Variants in ITPR1 observed in about 807,000 individuals in gnomAD.
ITPR1 encodes the protein inositol 1,4,5-trisphosphate-gated calcium channel ITPR1.
In ITPR1, 96 loss-of-function variants were observed where a neutral mutation model predicts 318.4. The ratio of observed to expected loss-of-function variants is 0.30; its 90% CI spans 0.26 to 0.36. The LOEUF is 0.36. Ranked by LOEUF, ITPR1 falls within the 10% of genes least tolerant of loss-of-function variation. The probability of loss-of-function intolerance (pLI) is 1.00; values close to 1 mark genes in which losing one functional copy is unlikely to be tolerated. For missense variants in ITPR1, 2,440 were observed against 3,460.2 expected (o/e 0.71, Z 7.40); for synonymous variants, 1,312 against 1,289.9 (o/e 1.02, Z -0.37).
chr3:4,516,474 AG>A lies in ITPR1; in HGVS notation c.-16del. On this transcript the variant is annotated splice_acceptor_variant, in intron 2 of 61. Coordinates refer to ENST00000649015, the MANE Select transcript of ITPR1 (RefSeq NM_001378452.1). LOFTEE classifies it low-confidence loss of function (5UTR_SPLICE). Reference sequence around the variant, plus strand: ...CAATGCTGCATATTTTACTTTGTCTAGGATTTTCAAGAAAGACATGTCTGAC... The same window carrying A: ...CAATGCTGCATATTTTACTTTGTCTAGATTTTCAAGAAAGACATGTCTGAC... The A allele has an allele frequency of 4.2e-6, 6 of 1,441,540 alleles. No individual in the cohort carries two copies. Among genetic ancestry groups the A allele is most frequent in the Non-Finnish European group, 4.8e-6 (5 of 1,050,834 alleles). The allele number at this position is 1,441,540 out of a possible 1,614,324, so 89.3% of individuals were successfully genotyped here. A position where few individuals can be genotyped will look rare whatever the true frequency, so the allele number is the denominator to read the frequency against.
intron 2 of ITPR1, among the ~76,000 whole-genome samples, chr3:4,498,542 G>A (rs2131458): frequency 0.22 from 32,793 of 152,076 alleles, 4,102 homozygotes; most frequent in Admixed American, 0.31. Flanking sequence ...AAACTCTCAC[G>A]GAATTCTCAG....
chr3:4,687,356 T>C (rs2094411760), intron 30 of ITPR1, among the ~76,000 whole-genome samples: 2 of 152,180 alleles, frequency 1.3e-5, no homozygotes, highest in Admixed American at 1.3e-4. Context: ...TCACTTAATC[T>C]TCATAACAAT....
chr3:4,575,713 T>TA (rs201350558), intron 4 of ITPR1, among the ~76,000 whole-genome samples: 170 of 142,422 alleles, frequency 1.2e-3, no homozygotes, highest in East Asian at 2.6e-3. Flanking sequence ...ATGTCTTCTT[T>TA]AAAAAAAAAA....
chr3:4,740,104 A>T (rs1471535789), intron 44 of ITPR1, among the ~76,000 whole-genome samples: 1 of 151,720 alleles, frequency 6.6e-6, no homozygotes, highest in African/African-American at 2.4e-5. Flanking sequence ...GGGGAGAAAA[A>T]CTCCACCTCT....
chr3:4,688,285 C>T (rs1462409647), intron 30 of ITPR1, among the ~76,000 whole-genome samples: 1 of 152,150 alleles, frequency 6.6e-6, no homozygotes, highest in Non-Finnish European at 1.5e-5. Context: ...TGCTCCCTCC[C>T]ACCCAAATAA....
At position 4,594,264 on chromosome 3, in the gene ITPR1, C is replaced by T. The variant is rs529722220; in HGVS notation, c.164-33499C>T. ...ATGATTTGTATTCCAGAGTTCCTCA[C>T]GCAATCGGGCTGAAGTCATCCTCCT... On this transcript the variant is annotated intron_variant, in intron 4 of 61. Coordinates refer to ENST00000649015, the MANE Select transcript of ITPR1 (RefSeq NM_001378452.1). Among the ~76,000 whole-genome samples, 34 of 152,272 alleles carry T rather than the reference C, an allele frequency of 2.2e-4. No homozygotes were observed. In the South Asian group the frequency reaches 4.4e-3, roughly 20 times the overall value.
At chr3:4,593,761 C>T (rs1256610070) in intron 4 of ITPR1, among the ~76,000 whole-genome samples, 4 of 152,166 alleles carry the variant, frequency 2.6e-5, no homozygotes, top group African/African-American at 9.6e-5. Context: ...CCAGGAGAGA[C>T]CAGTGCAAAA....
At chr3:4,751,283 G>C (rs908337706) in intron 44 of ITPR1, 2 of 152,104 alleles carry the variant, frequency 1.3e-5, no homozygotes, top group Non-Finnish European at 2.9e-5. Context: ...GACTCAGCTT[G>C]CATTTAATTA....
chr3:4,521,359 TG>T (rs2082551445), intron 4 of ITPR1, among the ~76,000 whole-genome samples: 1 of 152,218 alleles, frequency 6.6e-6, no homozygotes. Context: ...GTCTTACATT[TG>T]TACAGGTATT....
In ITPR1 at chr3:4,636,459, GTC is replaced by G. The variant is rs1418288089; in HGVS notation, c.280-2921_280-2920del. On this transcript the variant is annotated intron_variant, in intron 5 of 61. Coordinates refer to ENST00000649015, the MANE Select transcript of ITPR1 (RefSeq NM_001378452.1). Reference sequence around the variant, plus strand: ...CTTATTTATCTGTTTTTGAGATGGAGTCTCTGTCACCCAGGCTAGAGTGCAGT... The same window carrying G: ...CTTATTTATCTGTTTTTGAGATGGAGTCTGTCACCCAGGCTAGAGTGCAGT... 5.9e-5 allele frequency among the ~76,000 whole-genome samples: 9 copies of G among 152,230 alleles called. 1 individual carries two copies. In the East Asian group the frequency reaches 1.7e-3, roughly 29 times the overall value.
intron 60 of ITPR1, among the ~76,000 whole-genome samples, chr3:4,822,246 G>C (rs1346288787): frequency 6.6e-6 from 1 of 152,214 alleles, no homozygotes; most frequent in Non-Finnish European, 1.5e-5. Flanking sequence ...AACAGGCCCA[G>C]AGCACAGCCA....
chr3:4,691,099 G>A, intron 31 of ITPR1, 45 bp from the exon 32 acceptor site: 1 of 1,381,520 alleles, frequency 7.2e-7, no homozygotes, highest in Non-Finnish European at 1.0e-6. Context: ...TGTTCTGTCA[G>A]CTTTTTGACT....
rs1366007798 is a variant in ITPR1 at position 4,564,667 on chromosome 3, G to A, written c.163+43573G>A. Among the ~76,000 whole-genome samples the A allele has an allele frequency of 4.6e-5, 7 of 152,266 alleles. 1 individual carries two copies. In the South Asian group the frequency reaches 1.2e-3, roughly 27 times the overall value. On this transcript the variant is annotated intron_variant, in intron 4 of 61. Transcript: ENST00000649015. ...GCAAGAAGGTGCCATCTGTGAACTAGGGCCCTCACCTGACTCTGAACCTGC... is the reference window on the plus strand; with the variant it reads ...GCAAGAAGGTGCCATCTGTGAACTAAGGCCCTCACCTGACTCTGAACCTGC...
Position 4,766,817 on chromosome 3 carries a change from G to C in ITPR1, c.5725+107G>C, listed in dbSNP as rs1351594582. Reference sequence around the variant, plus strand: ...TGTGCTCTAAAATGCATTATGATGGGAGCTTTCAGAAGAAATGCCAGCCTG... The same window carrying C: ...TGTGCTCTAAAATGCATTATGATGGCAGCTTTCAGAAGAAATGCCAGCCTG... On this transcript the variant is annotated intron_variant, in intron 45 of 61. Coordinates refer to ENST00000649015, the MANE Select transcript of ITPR1 (RefSeq NM_001378452.1). The C allele has an allele frequency of 5.7e-6, 5 of 878,836 alleles. No homozygotes were observed. In the African/African-American group the frequency reaches 8.5e-5, roughly 15 times the overall value. The allele number at this position is 878,836 out of a possible 1,614,324, so 54.4% of individuals were successfully genotyped here.
chr3:4,652,323 C>G lies in ITPR1; in HGVS notation c.951+105C>G. ...GTTGTAAAAGGCTTAGGGAAATACA[C>G]TCAGTCACCTTGCTTTTCCTCCTGT... is the stretch of plus-strand genomic sequence containing the variant. On this transcript the variant is annotated intron_variant, in intron 11 of 61. Coordinates refer to ENST00000649015, the MANE Select transcript of ITPR1 (RefSeq NM_001378452.1). 3.9e-6 allele frequency: 3 copies of G among 763,636 alleles called. No individual in the cohort carries two copies. The South Asian group carries it at 5.0e-5, about 13-fold the overall frequency. The allele number at this position is 763,636 out of a possible 1,614,324, so 47.3% of individuals were successfully genotyped here. A position where few individuals can be genotyped will look rare whatever the true frequency, so the allele number is the denominator to read the frequency against.
intron 4 of ITPR1, among the ~76,000 whole-genome samples, chr3:4,604,608 A>G (rs974062870): frequency 5.9e-5 from 9 of 152,118 alleles, no homozygotes; most frequent in Non-Finnish European, 1.3e-4. Context: ...AAAGGAATTC[A>G]TGACTCTTTC....
At chr3:4,676,868 C>T (rs559668212) in intron 24 of ITPR1, 67 bp downstream of exon 24, 2 of 1,261,716 alleles carry the variant, frequency 1.6e-6, no homozygotes, top group South Asian at 2.8e-5. Flanking sequence ...TCCAGTCCCT[C>T]TGTTCTGATG....
intron 1 of ITPR1, 140 bp downstream of exon 1, chr3:4,493,745 AGTT>A (rs1444348782): frequency 6.6e-6 from 1 of 152,234 alleles, no homozygotes; most frequent in Admixed American, 6.5e-5. Context: ...TACTGCGGGC[AGTT>A]GTTTTGGGGG....
At chr3:4,666,496 G>A (rs932305898) in intron 17 of ITPR1, among the ~76,000 whole-genome samples, 2 of 152,162 alleles carry the variant, frequency 1.3e-5, no homozygotes, top group Non-Finnish European at 2.9e-5. Flanking sequence ...GTTACTCTTG[G>A]AATTGCTGGA....
Sources: gnomAD v4.1 joint callset for allele counts (sites outside exome capture counted in the v4.1 genomes callset) on GRCh38, gnomAD v4.1.1 for gene constraint, MANE v1.5 for transcripts, NCBI Gene and HGNC (gene_info 2026-07-23, HGNC 2026-07-21) for gene names.